Variants in PALM2AKAP2 observed in about 807,000 individuals in gnomAD.
PALM2AKAP2 encodes the protein PALM2-AKAP2 fusion protein.
In PALM2AKAP2, 37 loss-of-function variants were observed where a neutral mutation model predicts 71.5. The observed-to-expected ratio is 0.52, with a 90% CI of 0.40 to 0.68. The LOEUF is 0.68. PALM2AKAP2 is among the 30% of genes least tolerant of loss of function. The probability of loss-of-function intolerance (pLI) is 0.00; values close to 1 mark genes in which losing one functional copy is unlikely to be tolerated. For missense variants in PALM2AKAP2, 1,224 were observed against 1,191.8 expected, an observed-to-expected ratio of 1.03 and a Z score of -0.40; for synonymous variants, 468 against 478.8, an observed-to-expected ratio of 0.98 and a Z score of 0.29.
chr9:109,775,327 T>G (rs1317468488), upstream of PALM2AKAP2, among the ~76,000 whole-genome samples: 1 of 152,262 alleles, frequency 6.6e-6, no homozygotes, highest in East Asian at 1.9e-4. Flanking sequence ...TTAGCCACTA[T>G]ATACCTTAAG....
intron 6 of PALM2AKAP2, among the ~76,000 whole-genome samples, chr9:109,971,138 G>T (rs1012067708): frequency 3.3e-5 from 5 of 151,984 alleles, no homozygotes; most frequent in Non-Finnish European, 7.4e-5. Flanking sequence ...GCTTCAGGAG[G>T]TTAGGGATCT....
intron 1 of PALM2AKAP2, among the ~76,000 whole-genome samples, chr9:109,758,570 A>G (rs919736933): frequency 6.6e-6 from 1 of 150,976 alleles, no homozygotes; most frequent in African/African-American, 2.4e-5. Context: ...AAAGACAAAT[A>G]TTTCTTTAAA....
chr9:110,088,877 G>A (rs10465127), intron 1 of PALM2AKAP2, among the ~76,000 whole-genome samples: 27,140 of 151,372 alleles, frequency 0.18, 3,293 homozygotes, highest in African/African-American at 0.34. Context: ...AAGCCACCAC[G>A]CCCAGCTAAT....
intron 1 of PALM2AKAP2, among the ~76,000 whole-genome samples, chr9:109,828,325 A>G (rs1483189974): frequency 6.6e-6 from 1 of 152,138 alleles, no homozygotes; most frequent in Non-Finnish European, 1.5e-5. Flanking sequence ...TTCAAATGTG[A>G]CTTGACCAAA....
chr9:109,932,136 C>T (rs1452528451), intron 6 of PALM2AKAP2, 108 bp downstream of exon 6: 5 of 1,189,230 alleles, frequency 4.2e-6, no homozygotes, highest in East Asian at 2.8e-5. Flanking sequence ...GGGGAGCTCA[C>T]CTTCAGCCCA....
chr9:109,872,189 T>C (rs1468432006), intron 2 of PALM2AKAP2, among the ~76,000 whole-genome samples: 1 of 152,234 alleles, frequency 6.6e-6, no homozygotes, highest in Non-Finnish European at 1.5e-5. Context: ...AGAACTATCA[T>C]TATTCTTTTG....
At chr9:109,799,648 G>A (rs114152648) in intron 1 of PALM2AKAP2, among the ~76,000 whole-genome samples, 273 of 152,178 alleles carry the variant, frequency 1.8e-3, no homozygotes, top group African/African-American at 6.3e-3. Flanking sequence ...CATGCAACAC[G>A]ATGCCTGGTT....
intron 1 of PALM2AKAP2, among the ~76,000 whole-genome samples, chr9:109,643,942 G>A (rs183391309): frequency 1.2e-3 from 176 of 152,294 alleles, no homozygotes; most frequent in Middle Eastern, 3.4e-3. Context: ...CATGGAGAAA[G>A]GTGAAGCAGA....
upstream of PALM2AKAP2, among the ~76,000 whole-genome samples, chr9:109,778,221 A>G (rs986238503): frequency 7.9e-5 from 12 of 152,196 alleles, no homozygotes; most frequent in African/African-American, 2.7e-4. Flanking sequence ...GCCTGCTTCT[A>G]TCTCCATATC....
intron 1 of PALM2AKAP2, among the ~76,000 whole-genome samples, chr9:109,661,427 T>C (rs1246218024): frequency 1.3e-5 from 2 of 152,216 alleles, no homozygotes; most frequent in Admixed American, 6.5e-5. Flanking sequence ...GGGAATCCTT[T>C]CCCCATTGCT....
intron 1 of PALM2AKAP2, among the ~76,000 whole-genome samples, chr9:110,100,306 C>T (rs977400234): frequency 6.6e-6 from 1 of 151,982 alleles, no homozygotes. Context: ...GTGCAGCAAC[C>T]CCCTGCACTT....
chr9:110,165,711 A>G (rs1243665730), intron 3 of PALM2AKAP2, among the ~76,000 whole-genome samples: 1 of 152,210 alleles, frequency 6.6e-6, no homozygotes. Context: ...CATAATTATG[A>G]GTATTATTTT....
intron 1 of PALM2AKAP2, among the ~76,000 whole-genome samples, chr9:109,744,645 C>A (rs1044172220): frequency 6.6e-6 from 1 of 152,156 alleles, no homozygotes; most frequent in Non-Finnish European, 1.5e-5. Flanking sequence ...ATTGCAAGTC[C>A]TCCCAAACAA....
chr9:109,814,569 C>G (rs1003231703), intron 1 of PALM2AKAP2, among the ~76,000 whole-genome samples: 2 of 152,158 alleles, frequency 1.3e-5, no homozygotes, highest in Admixed American at 6.5e-5. Context: ...TGATGGCCTT[C>G]TGTGTGCTAG....
intron 1 of PALM2AKAP2, among the ~76,000 whole-genome samples, chr9:109,687,740 A>G (rs1377138862): frequency 2.0e-5 from 3 of 152,192 alleles, no homozygotes; most frequent in Non-Finnish European, 4.4e-5. Flanking sequence ...TTGCATTCAC[A>G]ACTTGGCTAA....
intron 3 of PALM2AKAP2, 77 bp downstream of exon 3, chr9:109,880,758 T>C: frequency 6.5e-7 from 1 of 1,535,128 alleles, no homozygotes; most frequent in Non-Finnish European, 8.8e-7. Context: ...TAGGTGGCCT[T>C]TCTCAATACT....
upstream of PALM2AKAP2, among the ~76,000 whole-genome samples, chr9:110,044,569 C>G (rs1195870301): frequency 6.6e-6 from 1 of 151,512 alleles, no homozygotes; most frequent in Non-Finnish European, 1.5e-5. Flanking sequence ...CCAGGCTGGT[C>G]TCAAACTACT....
chr9:109,888,380 T>C (rs117070470), intron 3 of PALM2AKAP2, among the ~76,000 whole-genome samples: 2 of 151,332 alleles, frequency 1.3e-5, no homozygotes, highest in East Asian at 3.9e-4. Flanking sequence ...TCAGGTGTGT[T>C]TGTGAAGTGC....
intron 1 of PALM2AKAP2, among the ~76,000 whole-genome samples, chr9:109,674,512 G>C (rs1040571571): frequency 1.3e-5 from 2 of 152,032 alleles, no homozygotes; most frequent in African/African-American, 4.8e-5. Context: ...TAACTTTGTG[G>C]AGGGTTGATT....
Sources: gnomAD v4.1 joint callset for allele counts (sites outside exome capture counted in the v4.1 genomes callset) on GRCh38, gnomAD v4.1.1 for gene constraint, MANE v1.5 for transcripts, NCBI Gene and HGNC (gene_info 2026-07-23, HGNC 2026-07-21) for gene names.